Variants in GHR observed in about 807,000 individuals in gnomAD.
The protein encoded by GHR is GH receptor.
GHR carries 35 observed loss-of-function variants against 67.1 expected under a neutral mutation model. The ratio of observed to expected loss-of-function variants is 0.52; its 90% CI spans 0.40 to 0.69. The LOEUF is 0.69. Ranked by LOEUF, GHR falls within the 30% of genes least tolerant of loss-of-function variation. The pLI is 0.00. For missense variants in GHR, 792 were observed against 764.6 expected, an observed-to-expected ratio of 1.04 and a Z score of -0.42; for synonymous variants, 272 against 269.1, an observed-to-expected ratio of 1.01 and a Z score of -0.10.
chr5:42,626,096 G>T (rs1299595764), intron 2 of GHR, among the ~76,000 whole-genome samples: 2 of 152,132 alleles, frequency 1.3e-5, no homozygotes, highest in African/African-American at 4.8e-5. Flanking sequence ...TCGGAACTTA[G>T]TCCTCGGTGG....
chr5:42,636,830 A>T (rs1754218096), intron 3 of GHR, among the ~76,000 whole-genome samples: 1 of 152,182 alleles, frequency 6.6e-6, no homozygotes, highest in African/African-American at 2.4e-5. Flanking sequence ...AGTTCAAGTA[A>T]TTGTGTGTCT....
At chr5:42,465,351 C>A in intron 1 of GHR, 1 of 825,418 alleles carries the variant, frequency 1.2e-6, no homozygotes. Flanking sequence ...TTATTACCCA[C>A]CAGTAAGAGA....
chr5:42,674,579 C>CATTT (rs1159042690), intron 3 of GHR, among the ~76,000 whole-genome samples: 10 of 152,136 alleles, frequency 6.6e-5, no homozygotes, highest in Non-Finnish European at 1.5e-4. Flanking sequence ...CTATTCTTAA[C>CATTT]ATTTCATGTA....
intron 3 of GHR, among the ~76,000 whole-genome samples, chr5:42,634,395 C>A (rs1754069640): frequency 6.6e-6 from 1 of 151,146 alleles, no homozygotes; most frequent in Admixed American, 6.6e-5. Context: ...GTGCTTTTTG[C>A]ACCCCCCCTT....
At chr5:42,641,017 A>G (rs933586669) in intron 3 of GHR, among the ~76,000 whole-genome samples, 5 of 152,120 alleles carry the variant, frequency 3.3e-5, no homozygotes, top group Admixed American at 3.3e-4. Flanking sequence ...CTCAAACAGA[A>G]AGGTAGTGCA....
intron 6 of GHR, among the ~76,000 whole-genome samples, chr5:42,700,452 T>G (rs1194789353): frequency 6.6e-6 from 1 of 152,116 alleles, no homozygotes; most frequent in Non-Finnish European, 1.5e-5. Flanking sequence ...AGGGAATTTG[T>G]CTCTTAGAGG....
chr5:42,698,723 C>G (rs1374989428), intron 5 of GHR, among the ~76,000 whole-genome samples: 1 of 152,116 alleles, frequency 6.6e-6, no homozygotes, highest in Non-Finnish European at 1.5e-5. Flanking sequence ...CCAGTCAACG[C>G]TAGGGATGCA....
chr5:42,675,180 G>A (rs936661635), intron 3 of GHR, among the ~76,000 whole-genome samples: 1 of 152,174 alleles, frequency 6.6e-6, no homozygotes, highest in African/African-American at 2.4e-5. Flanking sequence ...TTTTAAAACA[G>A]TGAAATCATA....
At chr5:42,548,410 G>A (rs1748838047) in intron 1 of GHR, 1 of 984,718 alleles carries the variant, frequency 1.0e-6, no homozygotes, top group African/African-American at 1.7e-5. Flanking sequence ...TCAGTGTGAT[G>A]TGATCTGCTT....
In GHR at chr5:42,507,983, G is replaced by C. The variant is rs761333642; in HGVS notation, c.-11-57881G>C. On this transcript the variant is annotated intron_variant, in intron 1 of 9. Coordinates refer to ENST00000230882, the MANE Select transcript of GHR (RefSeq NM_000163.5). ...GACCTGGAATGGATATGCTATAGGAGGAGGGCCAAACAGAGAGTAACTAGT... is the reference window on the plus strand; with the variant it reads ...GACCTGGAATGGATATGCTATAGGACGAGGGCCAAACAGAGAGTAACTAGT... 1.2e-3 allele frequency among the ~76,000 whole-genome samples: 182 copies of C among 152,226 alleles called. 8 individuals carry two copies. Among genetic ancestry groups the C allele is most frequent in the Non-Finnish European group, 6.6e-4 (45 of 68,032 alleles).
At chr5:42,450,601 TTTGTTGTTG>T (rs957285906) in intron 1 of GHR, among the ~76,000 whole-genome samples, 1 of 152,092 alleles carries the variant, frequency 6.6e-6, no homozygotes, top group South Asian at 2.1e-4. Context: ...CTTTTGCATT[TTTGTTGTTG>T]TTGTTGTTGT....
intron 1 of GHR, among the ~76,000 whole-genome samples, chr5:42,541,009 T>C (rs1345458067): frequency 2.0e-5 from 3 of 152,074 alleles, no homozygotes; most frequent in African/African-American, 7.2e-5. Context: ...TCCATATTGT[T>C]TTTTTACAAG....
intron 1 of GHR, among the ~76,000 whole-genome samples, chr5:42,536,103 C>A (rs1748245435): frequency 6.6e-6 from 1 of 152,048 alleles, no homozygotes; most frequent in Non-Finnish European, 1.5e-5. Flanking sequence ...ATCATATCAT[C>A]AGCAGACAGT....
At chr5:42,533,446 C>G (rs938008039) in intron 1 of GHR, among the ~76,000 whole-genome samples, 7 of 151,880 alleles carry the variant, frequency 4.6e-5, no homozygotes, top group African/African-American at 1.7e-4. Flanking sequence ...CATCTTTTAA[C>G]ACACGTGATT....
At chr5:42,448,983 A>G (rs991451250) in intron 1 of GHR, among the ~76,000 whole-genome samples, 3 of 152,098 alleles carry the variant, frequency 2.0e-5, no homozygotes, top group African/African-American at 4.8e-5. Flanking sequence ...ATTCTGTTCC[A>G]TTGGCCTATG....
chr5:42,538,146 G>T (rs1443317887), intron 1 of GHR, among the ~76,000 whole-genome samples: 3 of 152,114 alleles, frequency 2.0e-5, no homozygotes, highest in East Asian at 3.8e-4. Context: ...AGCATTTAGG[G>T]CATTTACATT....
intron 1 of GHR, among the ~76,000 whole-genome samples, chr5:42,532,049 A>T (rs1747995404): frequency 6.6e-6 from 1 of 151,826 alleles, no homozygotes; most frequent in Non-Finnish European, 1.5e-5. Context: ...GACAAGATCC[A>T]GCCTGACAAT....
chr5:42,720,500 G>A lies in GHR; in HGVS notation c.*1076G>A, dbSNP rs1035289134. On this transcript the variant is annotated 3_prime_UTR_variant, in exon 10 of 10. Coordinates refer to ENST00000230882, the MANE Select transcript of GHR (RefSeq NM_000163.5). ...AGCGGAATCTGTTCACACCCAACTT[G>A]GTTTTGCTACATAATTATCCAGGAA... is the stretch of plus-strand genomic sequence containing the variant. 5 of 152,112 alleles carry A rather than the reference G, an allele frequency of 3.3e-5. No individual in the cohort carries two copies. Among genetic ancestry groups the A allele is most frequent in the African/African-American group, 4.8e-5 (2 of 41,394 alleles). The allele number at this position is 152,112 out of a possible 1,614,324, so 9.4% of individuals were successfully genotyped here.
intron 2 of GHR, among the ~76,000 whole-genome samples, chr5:42,596,082 G>A (rs113385560): frequency 9.8e-4 from 149 of 152,294 alleles, no homozygotes; most frequent in African/African-American, 3.2e-3. Context: ...AGGCTTATCC[G>A]CATATGCAGG....
Sources: allele counts gnomAD v4.1 joint callset (sites outside exome capture counted in the v4.1 genomes callset), GRCh38; gene constraint gnomAD v4.1.1; transcripts MANE v1.5; gene names NCBI Gene and HGNC (gene_info 2026-07-23, HGNC 2026-07-21).